The following JARID2 variants were observed in gnomAD, a reference collection of about 807,000 sequenced individuals.
JARID2 encodes the protein jumonji and AT-rich interaction domain containing 2.
In JARID2, 21 loss-of-function variants were observed where a neutral mutation model predicts 125.6. That is an observed-to-expected ratio of 0.17 (90% CI 0.12 to 0.24). The LOEUF (loss-of-function observed/expected upper bound fraction) is 0.24, where lower values mean the gene tolerates loss of function less well. Ranked by LOEUF, JARID2 falls within the 10% of genes least tolerant of loss-of-function variation. The pLI, the probability that JARID2 is intolerant of heterozygous loss-of-function variation, is 1.00. For synonymous variants in JARID2, 736 were observed against 661.6 expected (o/e 1.11, Z -1.73); for missense variants, 1,303 against 1,639.6 (o/e 0.79, Z 3.55).
intron 1 of JARID2, among the ~76,000 whole-genome samples, chr6:15,313,770 GA>G (rs1197110474): frequency 6.6e-6 from 1 of 152,182 alleles, no homozygotes; most frequent in Admixed American, 6.5e-5. Context: ...CCAATTATTA[GA>G]AAATGAATTT....
At chr6:15,470,024 T>A (rs1019242990) in intron 5 of JARID2, among the ~76,000 whole-genome samples, 4 of 151,556 alleles carry the variant, frequency 2.6e-5, no homozygotes, top group Non-Finnish European at 4.4e-5. Flanking sequence ...TAAAAATACA[T>A]AAATTAGCCG....
At chr6:15,282,318 A>G (rs987345421) in intron 1 of JARID2, among the ~76,000 whole-genome samples, 5 of 152,160 alleles carry the variant, frequency 3.3e-5, no homozygotes, top group Non-Finnish European at 4.4e-5. Flanking sequence ...CTAACAGCAT[A>G]TGAGAGTCTT....
At position 15,521,086 on chromosome 6, in the gene JARID2, AAAAAAG is replaced by A. The variant is rs1771822233; in HGVS notation, c.*836_*841del. ...CCTTAAGATTTAAAAAAAAAAAAAA[AAAAAAG>A]GAAAAAAAAGTGATGGAAGCCGTAA... On this transcript the variant is annotated 3_prime_UTR_variant, in exon 18 of 18. Coordinates refer to ENST00000341776, the MANE Select transcript of JARID2 (RefSeq NM_004973.4). The A allele has an allele frequency of 6.2e-6, 1 of 160,064 alleles. No individual in the cohort carries two copies. The highest frequency in any genetic ancestry group is 2.4e-5 in the African/African-American group (1 of 41,074). 9.9% of individuals were successfully genotyped at this position (160,064 alleles called of 1,614,324 possible). A position where few individuals can be genotyped will look rare whatever the true frequency, so the allele number is the denominator to read the frequency against.
chr6:15,259,395 G>T lies in JARID2; in HGVS notation c.45+12811G>T, dbSNP rs554651754. On this transcript the variant is annotated intron_variant, in intron 1 of 17. Transcript: ENST00000341776. ...GCATTTAATAAGGAGTCATGGTCTGGAGTCCCAGTCAAATTGGTAGCACAT... is the reference window on the plus strand; with the variant it reads ...GCATTTAATAAGGAGTCATGGTCTGTAGTCCCAGTCAAATTGGTAGCACAT... 1.2e-3 allele frequency among the ~76,000 whole-genome samples: 190 copies of T among 152,308 alleles called. 1 individual carries two copies. The highest frequency in any genetic ancestry group is 4.2e-3 in the African/African-American group (173 of 41,572).
rs375870823 is a variant in JARID2 at position 15,377,318 on chromosome 6, TACTC to T, written c.181+3070_181+3073del. On this transcript the variant is annotated intron_variant, in intron 2 of 17. Coordinates refer to ENST00000341776, the MANE Select transcript of JARID2 (RefSeq NM_004973.4). ...AGAGAAAATGAGATTTCGTGAGACT[TACTC>T]ACTATCACAAGAATAGCACGGGAAA... Among the ~76,000 whole-genome samples, 138 of 152,302 alleles carry T rather than the reference TACTC, an allele frequency of 9.1e-4. 4 individuals carry two copies. In the South Asian group the frequency reaches 0.025, roughly 28 times the overall value.
intron 12 of JARID2, 50 bp downstream of exon 12, chr6:15,508,504 A>G (rs757804874): frequency 1.0e-6 from 1 of 981,810 alleles, no homozygotes; most frequent in Admixed American, 1.7e-5. Context: ...AACTACTATT[A>G]CCACATGAAG....
intron 3 of JARID2, among the ~76,000 whole-genome samples, chr6:15,451,165 A>C (rs1261702042): frequency 6.6e-6 from 1 of 152,242 alleles, no homozygotes. Context: ...AGAAACAAAC[A>C]AAACACTGTT....
intron 3 of JARID2, among the ~76,000 whole-genome samples, chr6:15,446,251 A>G (rs1041928121): frequency 6.6e-6 from 1 of 152,320 alleles, no homozygotes; most frequent in East Asian, 1.9e-4. Flanking sequence ...TAAGGCCTGT[A>G]TATAGAAGTG....
At chr6:15,339,884 C>T (rs1763011444) in intron 1 of JARID2, among the ~76,000 whole-genome samples, 1 of 152,068 alleles carries the variant, frequency 6.6e-6, no homozygotes, top group South Asian at 2.1e-4. Context: ...GGTTTCATTT[C>T]TTTCACCAGG....
intron 3 of JARID2, among the ~76,000 whole-genome samples, chr6:15,417,950 T>C (rs1766309875): frequency 6.6e-6 from 1 of 152,176 alleles, no homozygotes; most frequent in Non-Finnish European, 1.5e-5. Context: ...CTGTCAGCCC[T>C]ACCACAGCCA....
At chr6:15,433,764 G>C (rs944333465) in intron 3 of JARID2, among the ~76,000 whole-genome samples, 1 of 152,068 alleles carries the variant, frequency 6.6e-6, no homozygotes, top group East Asian at 1.9e-4. Flanking sequence ...GATATGGGGG[G>C]AAAATTTGAC....
chr6:15,321,783 G>GTTTT (rs71687714), intron 1 of JARID2, among the ~76,000 whole-genome samples: 11 of 68,474 alleles, frequency 1.6e-4, no homozygotes, highest in African/African-American at 4.0e-4. Context: ...AAGAATTCTT[G>GTTTT]TTTTTTTTTT....
chr6:15,448,443 G>T (rs1767772312), intron 3 of JARID2, among the ~76,000 whole-genome samples: 3 of 152,016 alleles, frequency 2.0e-5, no homozygotes, highest in African/African-American at 7.2e-5. Flanking sequence ...CGTGTATAGG[G>T]TTTGTTTTCC....
chr6:15,344,189 CG>C (rs1201622464), intron 1 of JARID2, among the ~76,000 whole-genome samples: 1 of 131,726 alleles, frequency 7.6e-6, no homozygotes, highest in Admixed American at 9.4e-5. Context: ...ACCCTTGAAG[CG>C]TTTTTGGAAA....
intron 1 of JARID2, among the ~76,000 whole-genome samples, chr6:15,326,185 A>G (rs1480322997): frequency 6.6e-6 from 1 of 152,090 alleles, no homozygotes; most frequent in Non-Finnish European, 1.5e-5. Flanking sequence ...TGTTTCATTT[A>G]CACCTTTACT....
chr6:15,456,103 G>A (rs1768164097), intron 4 of JARID2, among the ~76,000 whole-genome samples: 1 of 152,220 alleles, frequency 6.6e-6, no homozygotes, highest in African/African-American at 2.4e-5. Context: ...ATCAGGGAAT[G>A]TCTCAGTGAT....
intron 3 of JARID2, among the ~76,000 whole-genome samples, chr6:15,418,536 A>G (rs549068683): frequency 6.6e-6 from 1 of 152,282 alleles, no homozygotes; most frequent in East Asian, 1.9e-4. Flanking sequence ...TTAGAAGGGT[A>G]TATTGCTTTT....
At chr6:15,517,013 A>T in intron 16 of JARID2, 148 bp from the exon 17 acceptor site, 2 of 621,418 alleles carry the variant, frequency 3.2e-6, no homozygotes, top group Non-Finnish European at 5.8e-6. Context: ...CAGTCCTCAA[A>T]GCCCTTGGCC....
At chr6:15,504,638 C>T in intron 9 of JARID2, 46 bp downstream of exon 9, 1 of 1,283,008 alleles carries the variant, frequency 7.8e-7, no homozygotes, top group Non-Finnish European at 1.1e-6. Context: ...TGTGGGAACC[C>T]CTCGGCGAGC....
Sources: allele counts gnomAD v4.1 joint callset (sites outside exome capture counted in the v4.1 genomes callset), GRCh38; gene constraint gnomAD v4.1.1; transcripts MANE v1.5; gene names NCBI Gene and HGNC (gene_info 2026-07-23, HGNC 2026-07-21).